Variants in NMNAT2 observed in about 807,000 individuals in gnomAD.
NMNAT2 encodes the protein nicotinamide/nicotinic acid mononucleotide adenylyltransferase 2.
A neutral mutation model predicts 41.6 loss-of-function variants in NMNAT2; 11 were observed. The observed-to-expected ratio is 0.26, with a 90% CI of 0.17 to 0.44. The LOEUF is 0.44. Among genes scored for constraint, NMNAT2 ranks in the 20% least tolerant of loss-of-function variants. The pLI is 1.00. For synonymous variants in NMNAT2, 148 were observed against 151.2 expected (o/e 0.98, Z 0.16); for missense variants, 288 against 407.7 (o/e 0.71, Z 2.53).
intron 10 of NMNAT2, among the ~76,000 whole-genome samples, chr1:183,260,222 G>A (rs780108914): frequency 1.1e-4 from 16 of 152,170 alleles, no homozygotes; most frequent in Non-Finnish European, 1.9e-4. Flanking sequence ...CTTGCCATGG[G>A]CTTCACTTTG....
At chr1:183,256,817 T>G (rs1475905081) in intron 10 of NMNAT2, among the ~76,000 whole-genome samples, 1 of 152,182 alleles carries the variant, frequency 6.6e-6, no homozygotes. Flanking sequence ...CAGCGCATGA[T>G]CTCAGTTCAC....
At chr1:183,361,095 A>G (rs1441597112) in intron 1 of NMNAT2, among the ~76,000 whole-genome samples, 1 of 152,240 alleles carries the variant, frequency 6.6e-6, no homozygotes, top group Non-Finnish European at 1.5e-5. Flanking sequence ...AAATTTCTGC[A>G]CATTGGATGT....
chr1:183,288,008 T>C (rs554553320), intron 4 of NMNAT2, among the ~76,000 whole-genome samples: 1 of 152,298 alleles, frequency 6.6e-6, no homozygotes, highest in South Asian at 2.1e-4. Flanking sequence ...CGGGATCTTT[T>C]CACCTCTTGG....
intron 1 of NMNAT2, among the ~76,000 whole-genome samples, chr1:183,345,756 G>C (rs553515941): frequency 6.0e-4 from 90 of 151,214 alleles, no homozygotes; most frequent in African/African-American, 2.1e-3. Context: ...GCGCGATCTC[G>C]GCTCACTGCA....
At chr1:183,370,496 A>G (rs1182658802) in intron 1 of NMNAT2, among the ~76,000 whole-genome samples, 2 of 152,170 alleles carry the variant, frequency 1.3e-5, no homozygotes, top group Non-Finnish European at 2.9e-5. Context: ...CAGAAACTCA[A>G]TAATTGTGAA....
chr1:183,355,790 G>C (rs1226092373), intron 1 of NMNAT2, among the ~76,000 whole-genome samples: 1 of 152,210 alleles, frequency 6.6e-6, no homozygotes, highest in South Asian at 2.1e-4. Flanking sequence ...GCCTGTACAG[G>C]TCGTGTTGCT....
rs776353422 is a variant in NMNAT2 at position 183,387,899 on chromosome 1, G to A, written c.85+30284C>T. On this transcript the variant is annotated intron_variant, in intron 1 of 10. Transcript: ENST00000287713. ...GGAGTCAGGAGGTAGATTCTCAGTC[G>A]GGTGGTCTTAAGGTACTAGTGAGTG... is the stretch of plus-strand genomic sequence containing the variant. Among the ~76,000 whole-genome samples the A allele has an allele frequency of 7.9e-5, 12 of 152,164 alleles. 1 individual carries two copies. Among genetic ancestry groups the A allele is most frequent in the Non-Finnish European group, 1.6e-4 (11 of 68,034 alleles).
At chr1:183,406,176 T>C (rs2788063) in intron 1 of NMNAT2, among the ~76,000 whole-genome samples, 108,410 of 152,068 alleles carry the variant, frequency 0.71, 38,785 homozygotes, top group East Asian at 0.91. Flanking sequence ...CAGAATGCAG[T>C]ATCATGAATT....
At chr1:183,353,814 A>G (rs1213713863) in intron 1 of NMNAT2, among the ~76,000 whole-genome samples, 1 of 152,056 alleles carries the variant, frequency 6.6e-6, no homozygotes, top group Non-Finnish European at 1.5e-5. Flanking sequence ...AGCTGGGAAC[A>G]TCCTGTTCCT....
At chr1:183,283,803 T>C (rs1449406508) in intron 7 of NMNAT2, 192 bp downstream of exon 7, 1 of 640,734 alleles carries the variant, frequency 1.6e-6, no homozygotes. Context: ...TTGGCTGGAG[T>C]CCAGTTAAGA....
chr1:183,386,183 C>T (rs1223831739), intron 1 of NMNAT2, among the ~76,000 whole-genome samples: 1 of 151,958 alleles, frequency 6.6e-6, no homozygotes, highest in Non-Finnish European at 1.5e-5. Flanking sequence ...AAAATTATAT[C>T]CACTTCGAGA....
intron 1 of NMNAT2, among the ~76,000 whole-genome samples, chr1:183,313,139 C>T (rs1218800683): frequency 6.9e-6 from 1 of 144,160 alleles, no homozygotes; most frequent in Non-Finnish European, 1.5e-5. Context: ...TTCAATTTAA[C>T]CGGAACAAAT....
intron 8 of NMNAT2, 63 bp from the exon 9 acceptor site, chr1:183,261,366 A>G (rs1042692246): frequency 1.5e-6 from 2 of 1,335,146 alleles, no homozygotes; most frequent in Admixed American, 1.9e-5. Context: ...CCAAGCAACT[A>G]CTTAGCATGG....
chr1:183,308,910 A>G lies in NMNAT2; in HGVS notation c.86-15117T>C, dbSNP rs554041448. ...CCCCTGAGGTGGGAGAGCTGGTGGC[A>G]TGGCTGCAGCGCTGGGAAAACAGGC... On this transcript the variant is annotated intron_variant, in intron 1 of 10. Transcript: ENST00000287713. Among the ~76,000 whole-genome samples the G allele has an allele frequency of 2.0e-5, 3 of 152,314 alleles. 1 individual carries two copies. Among genetic ancestry groups the G allele is most frequent in the African/African-American group, 7.2e-5 (3 of 41,576 alleles).
chr1:183,321,067 G>C (rs1662347484), intron 1 of NMNAT2, among the ~76,000 whole-genome samples: 1 of 152,096 alleles, frequency 6.6e-6, no homozygotes, highest in Admixed American at 6.5e-5. Flanking sequence ...GGTTTAATAA[G>C]AACAATACTG....
intron 1 of NMNAT2, among the ~76,000 whole-genome samples, chr1:183,411,166 A>G (rs1302406953): frequency 6.6e-6 from 1 of 152,112 alleles, no homozygotes; most frequent in Non-Finnish European, 1.5e-5. Flanking sequence ...CCTCTTTTGT[A>G]ACACTTTTCA....
intron 1 of NMNAT2, among the ~76,000 whole-genome samples, chr1:183,325,667 T>G (rs1238594873): frequency 1.3e-5 from 2 of 152,194 alleles, no homozygotes; most frequent in East Asian, 3.9e-4. Context: ...AGCAAACAGA[T>G]AAGTCTGTTT....
At chr1:183,354,409 C>CTT (rs67663742) in intron 1 of NMNAT2, among the ~76,000 whole-genome samples, 633 of 89,612 alleles carry the variant, frequency 7.1e-3, no homozygotes, top group Non-Finnish European at 8.6e-3. Flanking sequence ...TCTTTAATGT[C>CTT]TTTTTTTTTT....
rs553407602 is a variant in NMNAT2, at chr1:183,309,181, G to A, written c.86-15388C>T. ...CACCAGGCCAATTTTTAAATTTTTT[G>A]TAGAGATAAGGTCTCAGTATATTGC... On this transcript the variant is annotated intron_variant, in intron 1 of 10. Transcript: ENST00000287713. Among the ~76,000 whole-genome samples the A allele has an allele frequency of 3.9e-5, 6 of 152,222 alleles. No homozygotes were observed. In the East Asian group the frequency reaches 1.2e-3, roughly 29 times the overall value.
Sources: gnomAD v4.1 joint callset for allele counts (sites outside exome capture counted in the v4.1 genomes callset) on GRCh38, gnomAD v4.1.1 for gene constraint, MANE v1.5 for transcripts, NCBI Gene and HGNC (gene_info 2026-07-23, HGNC 2026-07-21) for gene names.